MAF: variants seen among roughly 807,000 people sequenced by gnomAD.
MAF encodes the protein MAF bZIP transcription factor, also known as transcription factor Maf.
A neutral mutation model predicts 22.0 loss-of-function variants in MAF; 10 were observed. The observed-to-expected ratio is 0.45, with a 90% CI of 0.28 to 0.77. The LOEUF (loss-of-function observed/expected upper bound fraction) is 0.77, where lower values mean the gene tolerates loss of function less well. MAF is among the 30% of genes least tolerant of loss of function. MAF has a pLI of 0.12. For synonymous variants in MAF, 337 were observed against 255.8 expected (o/e 1.32, Z -3.03); for missense variants, 544 against 548.4 (o/e 0.99, Z 0.08).
the MAF span, among the ~76,000 whole-genome samples, chr16:79,502,010 T>C: frequency 1.7e-4 from 26 of 152,196 alleles, no homozygotes; most frequent in Admixed American, 8.5e-4. Flanking sequence ...TTTCAACCAT[T>C]TATTTAAGGG....
the MAF span, among the ~76,000 whole-genome samples, chr16:79,490,022 G>A: frequency 6.6e-6 from 1 of 152,328 alleles, no homozygotes; most frequent in African/African-American, 2.4e-5. Context: ...ATCATCTCAT[G>A]AGGAAAGACA....
chr16:79,473,899 A>G, the MAF span, among the ~76,000 whole-genome samples: 1 of 152,130 alleles, frequency 6.6e-6, no homozygotes, highest in Non-Finnish European at 1.5e-5. Context: ...CCTTTGTGGG[A>G]TTCTTCTCAT....
the MAF span, among the ~76,000 whole-genome samples, chr16:79,219,103 G>A: frequency 6.6e-6 from 1 of 152,166 alleles, no homozygotes; most frequent in East Asian, 1.9e-4. Flanking sequence ...CTGCATCTTA[G>A]GCGTGAGAGA....
the MAF span, among the ~76,000 whole-genome samples, chr16:79,293,300 C>A: frequency 6.6e-6 from 1 of 152,080 alleles, no homozygotes; most frequent in Non-Finnish European, 1.5e-5. Context: ...AAAACAGAGT[C>A]TACAGAGGAT....
chr16:79,390,899 G>T, the MAF span, among the ~76,000 whole-genome samples: 1 of 152,114 alleles, frequency 6.6e-6, no homozygotes, highest in Non-Finnish European at 1.5e-5. Flanking sequence ...TCTTTCAAAG[G>T]CCATCTGCTT....
chr16:79,454,096 C>T, the MAF span, among the ~76,000 whole-genome samples: 2 of 151,906 alleles, frequency 1.3e-5, no homozygotes, highest in African/African-American at 4.8e-5. Flanking sequence ...TTATAGGAAC[C>T]CTGAGATTTC....
the MAF span, among the ~76,000 whole-genome samples, chr16:79,468,512 G>A: frequency 6.6e-6 from 1 of 152,212 alleles, no homozygotes; most frequent in Admixed American, 6.5e-5. Flanking sequence ...ATGTATTTTG[G>A]TGTCAGTGAA....
At chr16:79,529,786 C>G in the MAF span, among the ~76,000 whole-genome samples, 1 of 152,102 alleles carries the variant, frequency 6.6e-6, no homozygotes, top group Non-Finnish European at 1.5e-5. Context: ...TGTGGTGAAA[C>G]CCCATCTCTA....
At chr16:79,457,436 C>T in the MAF span, among the ~76,000 whole-genome samples, 1 of 145,412 alleles carries the variant, frequency 6.9e-6, no homozygotes, top group East Asian at 2.1e-4. Context: ...AATGTTACTA[C>T]AAGGAATGAA....
chr16:79,310,435 T>A, the MAF span, among the ~76,000 whole-genome samples: 1 of 152,170 alleles, frequency 6.6e-6, no homozygotes, highest in African/African-American at 2.4e-5. Flanking sequence ...AGCCTCTTTG[T>A]AAATACGCTC....
At chr16:79,277,109 C>T in the MAF span, among the ~76,000 whole-genome samples, 57 of 152,298 alleles carry the variant, frequency 3.7e-4, no homozygotes, top group South Asian at 2.9e-3. Context: ...GCAATCATGG[C>T]TCACTGTAAC....
At chr16:79,478,672 A>T in the MAF span, among the ~76,000 whole-genome samples, 1 of 152,246 alleles carries the variant, frequency 6.6e-6, no homozygotes, top group African/African-American at 2.4e-5. Context: ...TCCCAATGCC[A>T]AATGCCTGCA....
the MAF span, among the ~76,000 whole-genome samples, chr16:79,270,346 G>T: frequency 6.6e-6 from 1 of 152,144 alleles, no homozygotes; most frequent in Admixed American, 6.5e-5. Flanking sequence ...ACCCAAAGTA[G>T]TAGCAAGGCT....
chr16:79,498,303 A>G, the MAF span, among the ~76,000 whole-genome samples: 6 of 152,210 alleles, frequency 3.9e-5, no homozygotes, highest in Non-Finnish European at 8.8e-5. Context: ...GTTAGCAGCC[A>G]TAGACAATGT....
chr16:79,423,038 G>A, the MAF span, among the ~76,000 whole-genome samples: 1 of 152,134 alleles, frequency 6.6e-6, no homozygotes, highest in Non-Finnish European at 1.5e-5. Flanking sequence ...TGAAAAGCAA[G>A]AAGCAGCCAG....
the MAF span, among the ~76,000 whole-genome samples, chr16:79,279,920 T>C: frequency 3.9e-5 from 6 of 152,142 alleles, 1 homozygote; most frequent in South Asian, 6.2e-4. Flanking sequence ...ATTTGGAAAA[T>C]GTTATAAATA....
At chr16:79,497,561 G>C in the MAF span, among the ~76,000 whole-genome samples, 32 of 152,274 alleles carry the variant, frequency 2.1e-4, no homozygotes, top group African/African-American at 7.7e-4. Context: ...CAGGAGGAAG[G>C]GATGCCTTTA....
At chr16:79,288,367 T>A in the MAF span, among the ~76,000 whole-genome samples, 1 of 152,166 alleles carries the variant, frequency 6.6e-6, no homozygotes, top group African/African-American at 2.4e-5. Flanking sequence ...CCTAAGCCGG[T>A]TACATAAGAA....
chr16:79,506,704 T>C, the MAF span, among the ~76,000 whole-genome samples: 8 of 152,136 alleles, frequency 5.3e-5, no homozygotes, highest in African/African-American at 1.9e-4. Context: ...ATGGTGCACC[T>C]AGAGGGGCAT....
Sources: gnomAD v4.1 joint callset for allele counts (sites outside exome capture counted in the v4.1 genomes callset) on GRCh38, gnomAD v4.1.1 for gene constraint, MANE v1.5 for transcripts, NCBI Gene and HGNC (gene_info 2026-07-23, HGNC 2026-07-21) for gene names.